The following BLTP1 variants were observed in gnomAD, a reference collection of about 807,000 sequenced individuals.
BLTP1 encodes fragile site-associated protein.
the BLTP1 span, chr4:122,152,719 C>A: frequency 1.2e-6 from 1 of 833,412 alleles, no homozygotes; most frequent in African/African-American, 1.8e-5. Flanking sequence ...CCTTCATATT[C>A]CTTTGCCATC....
the BLTP1 span, among the ~76,000 whole-genome samples, chr4:122,361,660 T>C: frequency 6.6e-6 from 1 of 152,178 alleles, no homozygotes; most frequent in African/African-American, 2.4e-5. Flanking sequence ...GTTTAGCACA[T>C]AGCACTCAGT....
chr4:122,334,302 C>T, the BLTP1 span: 1 of 1,419,892 alleles, frequency 7.0e-7, no homozygotes, highest in Non-Finnish European at 9.8e-7. Flanking sequence ...TTTTCCTCAT[C>T]TTCATAATTT....
the BLTP1 span, among the ~76,000 whole-genome samples, chr4:122,360,724 A>AT: frequency 6.6e-6 from 1 of 152,238 alleles, no homozygotes; most frequent in Non-Finnish European, 1.5e-5. Flanking sequence ...AATAGTGCAT[A>AT]TACCCATGAG....
the BLTP1 span, among the ~76,000 whole-genome samples, chr4:122,335,442 C>CA: frequency 1.3e-5 from 2 of 151,514 alleles, no homozygotes; most frequent in Admixed American, 6.6e-5. Context: ...GCAGGATTTC[C>CA]AAAAAAAGGA....
chr4:122,189,015 G>A, the BLTP1 span: 5 of 984,950 alleles, frequency 5.1e-6, no homozygotes, highest in South Asian at 1.4e-4. Context: ...ACTTGGTTAA[G>A]AATCTTCTGG....
the BLTP1 span, chr4:122,347,633 C>T: frequency 2.5e-6 from 4 of 1,613,782 alleles, no homozygotes; most frequent in Non-Finnish European, 3.4e-6. Flanking sequence ...CAGTCAGCCT[C>T]CTTCACCCAC....
chr4:122,341,747 T>C, the BLTP1 span: 2 of 985,244 alleles, frequency 2.0e-6, no homozygotes, highest in Non-Finnish European at 2.4e-6. Context: ...GGCATAGTAA[T>C]AGTGAACTTA....
chr4:122,159,061 C>G, the BLTP1 span, among the ~76,000 whole-genome samples: 5 of 152,198 alleles, frequency 3.3e-5, no homozygotes, highest in Middle Eastern at 3.2e-3. Context: ...TTCTAAGAAT[C>G]ATGCTCACTA....
chr4:122,186,028 G>T, the BLTP1 span: 4 of 1,526,026 alleles, frequency 2.6e-6, no homozygotes, highest in Non-Finnish European at 2.6e-6. Flanking sequence ...TGTAATTGGT[G>T]TCTTTAGATC....
the BLTP1 span, chr4:122,174,382 C>A: frequency 2.1e-6 from 2 of 967,822 alleles, no homozygotes; most frequent in African/African-American, 3.5e-5. Flanking sequence ...TCATAGTGAT[C>A]ATATGTATGG....
chr4:122,348,148 A>G, the BLTP1 span, among the ~76,000 whole-genome samples: 1 of 152,178 alleles, frequency 6.6e-6, no homozygotes, highest in Non-Finnish European at 1.5e-5. Flanking sequence ...ATATATACTA[A>G]GTCCATAAGA....
chr4:122,179,554 A>G, the BLTP1 span, among the ~76,000 whole-genome samples: 1 of 152,048 alleles, frequency 6.6e-6, no homozygotes, highest in African/African-American at 2.4e-5. Context: ...CCTCAGGAGT[A>G]TTTTATGTGG....
chr4:122,342,794 T>C, the BLTP1 span, among the ~76,000 whole-genome samples: 2 of 152,232 alleles, frequency 1.3e-5, no homozygotes. Flanking sequence ...AAGTAGGCAG[T>C]TGTAATATAT....
At chr4:122,361,912 C>G in the BLTP1 span, 1 of 1,118,924 alleles carries the variant, frequency 8.9e-7, no homozygotes, top group Non-Finnish European at 1.2e-6. Flanking sequence ...ACAAATGTAC[C>G]TACTGAAAAT....
chr4:122,358,721 T>TAAC, the BLTP1 span, among the ~76,000 whole-genome samples: 1 of 152,178 alleles, frequency 6.6e-6, no homozygotes, highest in African/African-American at 2.4e-5. Context: ...CGGAGCTATA[T>TAAC]AACACATATT....
At chr4:122,247,006 A>G in the BLTP1 span, 1 of 1,289,114 alleles carries the variant, frequency 7.8e-7, no homozygotes, top group Non-Finnish European at 1.0e-6. Context: ...TATTCATAGT[A>G]TCTTTCAGTA....
the BLTP1 span, chr4:122,198,191 A>C: frequency 1.0e-6 from 1 of 973,304 alleles, no homozygotes; most frequent in Non-Finnish European, 1.2e-6. Context: ...AGTGACTGTG[A>C]ATGGCATAGT....
the BLTP1 span, chr4:122,207,938 T>A: frequency 1.0e-6 from 1 of 983,284 alleles, no homozygotes; most frequent in Non-Finnish European, 1.2e-6. Context: ...TACTAATTCA[T>A]ATGAACTAAT....
the BLTP1 span, among the ~76,000 whole-genome samples, chr4:122,216,791 GT>G: frequency 6.6e-6 from 1 of 151,916 alleles, no homozygotes; most frequent in African/African-American, 2.4e-5. Context: ...ATTTGTTTTT[GT>G]TTTCGTTGCA....
Sources: gnomAD v4.1 joint callset for allele counts (sites outside exome capture counted in the v4.1 genomes callset) on GRCh38, gnomAD v4.1.1 for gene constraint, MANE v1.5 for transcripts, NCBI Gene and HGNC (gene_info 2026-07-23, HGNC 2026-07-21) for gene names.